Variants in NOTUM observed in about 807,000 individuals in gnomAD.
The protein encoded by NOTUM is notum, palmitoleoyl-protein carboxylesterase.
NOTUM carries 36 observed loss-of-function variants against 65.5 expected under a neutral mutation model. The observed-to-expected ratio is 0.55, with a 90% CI of 0.42 to 0.73. The LOEUF (loss-of-function observed/expected upper bound fraction) is 0.73, where lower values mean the gene tolerates loss of function less well. Ranked by LOEUF, NOTUM falls within the 30% of genes least tolerant of loss-of-function variation. The probability of loss-of-function intolerance (pLI) is 0.00; values close to 1 mark genes in which losing one functional copy is unlikely to be tolerated. For synonymous variants in NOTUM, 356 were observed against 297.9 expected, an observed-to-expected ratio of 1.20 and a Z score of -2.01; for missense variants, 659 against 694.2, an observed-to-expected ratio of 0.95 and a Z score of 0.57.
At chr17:81,954,148 CT>C (rs1180788679) in intron 10 of NOTUM, 107 bp downstream of exon 10, 8 of 756,642 alleles carry the variant, frequency 1.1e-5, no homozygotes, top group African/African-American at 1.7e-5. Flanking sequence ...AATCCCACCC[CT>C]AGAAGCGCCA....
At position 81,958,401 on chromosome 17, in the gene NOTUM, A is replaced by G. The variant is rs755100505; in HGVS notation, c.534-8T>C. The G allele has an allele frequency of 6.2e-7, 1 of 1,605,056 alleles. No individual in the cohort carries two copies. Among genetic ancestry groups the G allele is most frequent in the South Asian group, 1.1e-5 (1 of 90,944 alleles). ...GAGCAGTAGGGGATGAAGCTGCAAC[A>G]CAGAACAGAGTGAGCCTGTCACAGC... On this transcript the variant is annotated splice_polypyrimidine_tract_variant and splice_region_variant and intron_variant, in intron 4 of 10. Coordinates refer to ENST00000409678, the MANE Select transcript of NOTUM (RefSeq NM_178493.6).
At chr17:81,957,990 T>A (rs1437199573) in intron 5 of NOTUM, 82 bp from the exon 6 acceptor site, 1 of 1,017,306 alleles carries the variant, frequency 9.8e-7, no homozygotes, top group African/African-American at 1.6e-5. Flanking sequence ...GGCAGAGAAG[T>A]TCTTGCCCCA....
chr17:81,958,456 C>T, intron 4 of NOTUM, 63 bp from the exon 5 acceptor site: 3 of 1,103,976 alleles, frequency 2.7e-6, no homozygotes, highest in Non-Finnish European at 4.1e-6. Flanking sequence ...CCAGAAAGGA[C>T]CCCCAGAACA....
chr17:81,959,289 G>A, intron 3 of NOTUM, 182 bp downstream of exon 3: 1 of 618,376 alleles, frequency 1.6e-6, no homozygotes, highest in South Asian at 2.0e-5. Flanking sequence ...GTAAGCGCCT[G>A]AATGCTAATG....
In NOTUM at chr17:81,958,163, C is replaced by T. The variant is rs565970329; in HGVS notation, c.592+172G>A. On this transcript the variant is annotated intron_variant, in intron 5 of 10. Transcript: ENST00000409678. ...GCAGGCAGTGGGAGCATGGGGCAGG[C>T]ACCCTGGGACATACTGTCAAGGGCT... is the stretch of plus-strand genomic sequence containing the variant. 3.5e-4 allele frequency among the ~76,000 whole-genome samples: 53 copies of T among 152,300 alleles called. No homozygotes were observed. In the East Asian group the frequency reaches 5.8e-3, roughly 17 times the overall value.
intron 9 of NOTUM, among the ~76,000 whole-genome samples, chr17:81,954,550 C>A (rs575566423): frequency 6.6e-6 from 1 of 152,368 alleles, no homozygotes; most frequent in African/African-American, 2.4e-5. Flanking sequence ...TGGCAAGAGG[C>A]TGCCCTAGAC....
intron 7 of NOTUM, 62 bp downstream of exon 7, chr17:81,956,821 T>C (rs993213787): frequency 6.3e-7 from 1 of 1,592,810 alleles, no homozygotes; most frequent in Non-Finnish European, 8.6e-7. Flanking sequence ...CAGATGCCAC[T>C]CCACCCAGGC....
chr17:81,959,206 G>A (rs2041455686), intron 3 of NOTUM: 1 of 619,470 alleles, frequency 1.6e-6, no homozygotes, highest in Non-Finnish European at 2.9e-6. Flanking sequence ...GCCCGGCTAG[G>A]CTGGACACCA....
chr17:81,959,286 C>T, intron 3 of NOTUM, 185 bp downstream of exon 3: 1 of 617,274 alleles, frequency 1.6e-6, no homozygotes, highest in Non-Finnish European at 2.8e-6. Flanking sequence ...TGGGTAAGCG[C>T]CTGAATGCTA....
rs888003764 is a variant in NOTUM, at chr17:81,960,551, C to CGGGCG, written c.323+31_323+35dup. 2 of 1,376,508 alleles carry CGGGCG rather than the reference C, an allele frequency of 1.5e-6. No individual in the cohort carries two copies. The highest frequency in any genetic ancestry group is 3.0e-5 in the African/African-American group (2 of 67,170). 85.3% of individuals were successfully genotyped at this position (1,376,508 alleles called of 1,614,324 possible). A position where few individuals can be genotyped will look rare whatever the true frequency, so the allele number is the denominator to read the frequency against. On this transcript the variant is annotated intron_variant, in intron 1 of 10. Coordinates refer to ENST00000409678, the MANE Select transcript of NOTUM (RefSeq NM_178493.6). The surrounding 1 kb of genome is among the most constrained non-coding windows in gnomAD (Gnocchi z 6.4). ...AGGTCCAGCCGGAGACCGGGCGCGT[C>CGGGCG]GGGCGGGGCGGGGAGGTGCAGGGCG...
Position 81,960,623 on chromosome 17 carries a change from T to G in NOTUM, c.287A>C (p.Asn96Thr). The change falls in exon 1 of 11, where the codon AAC becomes ACC. Residue 96 changes from asparagine to threonine, a missense_variant. Transcript: ENST00000409678. This position sits in a 1 kb window ranked among gnomAD's most constrained non-coding sequence, Gnocchi z 6.4. ...GCCGTCGTTGCAGGTCACCGAGGTG[T>G]TGAGTAGGAGGTGCAGGCGCAGGTC... The part of the protein sequence containing the change: ...NEDLRLHLLL[N>T]TSVTCNDGSP... 6.5e-7 allele frequency: 1 copy of G among 1,536,474 alleles called. No individual in the cohort carries two copies. Among genetic ancestry groups the G allele is most frequent in the Non-Finnish European group, 8.8e-7 (1 of 1,134,056 alleles).
rs752697929 is a variant in NOTUM at position 81,960,944 on chromosome 17, A to AGGC, written c.-38_-36dup. On this transcript the variant is annotated 5_prime_UTR_variant, in exon 1 of 11. Coordinates refer to ENST00000409678, the MANE Select transcript of NOTUM (RefSeq NM_178493.6). The surrounding 1 kb of genome is among the most constrained non-coding windows in gnomAD (Gnocchi z 6.4). The stretch of plus-strand genomic sequence containing the variant: ...CACCTGCGGGGAGCGGGCGGCCTTG[A>AGGC]GGCGGCGGCGGCGGCGGCGGGGGAT... 565 of 1,171,608 alleles carry AGGC rather than the reference A, an allele frequency of 4.8e-4. No individual in the cohort carries two copies. The East Asian group carries it at 8.9e-3, about 19-fold the overall frequency. The allele number at this position is 1,171,608 out of a possible 1,614,324, so 72.6% of individuals were successfully genotyped here.
intron 5 of NOTUM, 33 bp from the exon 6 acceptor site, chr17:81,957,941 G>A (rs1417303815): frequency 8.0e-6 from 12 of 1,491,210 alleles, no homozygotes; most frequent in Admixed American, 7.5e-5. Context: ...TCAGGTAGGG[G>A]CCTGGACAGA....
In NOTUM at chr17:81,960,093, G is replaced by A. The variant is rs891086253; in HGVS notation, c.324-401C>T. On this transcript the variant is annotated intron_variant, in intron 1 of 10. Coordinates refer to ENST00000409678, the MANE Select transcript of NOTUM (RefSeq NM_178493.6). This position sits in a 1 kb window ranked among gnomAD's most constrained non-coding sequence, Gnocchi z 6.4. ...GAGGCGCGGGCGGCACCGACCCGGC[G>A]GGGGAGCCTTCCTGCCGAGCCCCGA... Among the ~76,000 whole-genome samples the A allele has an allele frequency of 1.3e-5, 2 of 152,026 alleles. No individual in the cohort carries two copies. Among genetic ancestry groups the A allele is most frequent in the African/African-American group, 4.8e-5 (2 of 41,426 alleles).
rs1432271080 is a variant in NOTUM at position 81,957,062 on chromosome 17, G to A, written c.708C>T (p.Thr236=). 7 of 1,602,964 alleles carry A rather than the reference G, an allele frequency of 4.4e-6. No individual in the cohort carries two copies. The highest frequency in any genetic ancestry group is 2.7e-5 in the African/African-American group (2 of 74,886). The change falls in exon 7 of 11, where the codon ACC becomes ACT. Residue 236 remains threonine, a synonymous_variant. Transcript: ENST00000409678. ...LLLAGSSAGG[T]GVLLNVDRVA... ...CACGGTCCACATTCAGGAGCACCCC[G>A]GTGCCCCCCGCGCTGCAAGGAGGGC...
Position 81,958,319 on chromosome 17 carries a change from G to T in NOTUM, c.592+16C>A. On this transcript the variant is annotated intron_variant, in intron 5 of 10. Coordinates refer to ENST00000409678, the MANE Select transcript of NOTUM (RefSeq NM_178493.6). ...CCGTCCCTGCCCTGCCATGCCCTGG[G>T]AAGGCCGAGACTCACTCTTCTCAGA... 6.3e-7 allele frequency: 1 copy of T among 1,586,594 alleles called. No individual in the cohort carries two copies. The highest frequency in any genetic ancestry group is 8.6e-7 in the Non-Finnish European group (1 of 1,156,974).
chr17:81,956,808 C>T, intron 7 of NOTUM, 58 bp from the exon 8 acceptor site: 2 of 1,590,740 alleles, frequency 1.3e-6, no homozygotes, highest in Non-Finnish European at 1.7e-6. Context: ...GGCTCCCCAC[C>T]CACAGATGCC....
Position 81,956,087 on chromosome 17 carries a change from CATAACTAAATCA to C in NOTUM, c.988+551_989-544del, listed in dbSNP as rs1311797403. On this transcript the variant is annotated intron_variant, in intron 8 of 10. Transcript: ENST00000409678. Reference sequence around the variant, plus strand: ...CCAGCCTTTTTATAATCCACAGCTTCATAACTAAATCAATAACTAAATCAACAACTAAATCAA... The same window carrying C: ...CCAGCCTTTTTATAATCCACAGCTTCATAACTAAATCAACAACTAAATCAA... Among the ~76,000 whole-genome samples the C allele has an allele frequency of 2.6e-5, 4 of 152,182 alleles. No homozygotes were observed. The South Asian group carries it at 6.2e-4, about 24-fold the overall frequency.
At chr17:81,956,526 C>T (rs1053895211) in intron 8 of NOTUM, 124 bp downstream of exon 8, 5 of 689,232 alleles carry the variant, frequency 7.3e-6, no homozygotes, top group Non-Finnish European at 1.0e-5. Flanking sequence ...CCGGACTCCT[C>T]CCTGGACCAG....
Sources: gnomAD v4.1 joint callset for allele counts (sites outside exome capture counted in the v4.1 genomes callset) on GRCh38, gnomAD v4.1.1 for gene constraint, Gnocchi (gnomAD v3.1) non-coding constraint, MANE v1.5 for transcripts, NCBI Gene and HGNC (gene_info 2026-07-23, HGNC 2026-07-21) for gene names.